Variants in CARMIL1 observed in about 807,000 individuals in gnomAD.
CARMIL1 encodes capping protein regulator and myosin 1 linker 1, also known as F-actin-uncapping protein LRRC16A.
In CARMIL1, 90 loss-of-function variants were observed where a neutral mutation model predicts 177.1. The observed-to-expected ratio is 0.51, with a 90% CI of 0.43 to 0.61. CARMIL1 has a LOEUF of 0.61. Ranked by LOEUF, CARMIL1 falls within the 20% of genes least tolerant of loss-of-function variation. The pLI, the probability that CARMIL1 is intolerant of heterozygous loss-of-function variation, is 0.00. For synonymous variants in CARMIL1, 577 were observed against 606.2 expected (o/e 0.95, Z 0.71); for missense variants, 1,380 against 1,667.0 (o/e 0.83, Z 3.00).
chr6:25,332,726 A>T (rs996735620), intron 2 of CARMIL1, among the ~76,000 whole-genome samples: 1 of 120,514 alleles, frequency 8.3e-6, no homozygotes, highest in Admixed American at 8.7e-5. Flanking sequence ...AGCACCACCC[A>T]CCATGCAAAC....
In CARMIL1 at chr6:25,606,244, C is replaced by T. The variant is rs755139805; in HGVS notation, c.3818C>T (p.Pro1273Leu). 79 of 1,613,656 alleles carry T rather than the reference C, an allele frequency of 4.9e-5. No homozygotes were observed. The highest frequency in any genetic ancestry group is 1.0e-4 in the Admixed American group (6 of 59,968). ...AGTCTGGCAGCACGGCCCGTCATCCCGCAGAAACCAAGAACCGCCTCACGG... is the reference window on the plus strand; with the variant it reads ...AGTCTGGCAGCACGGCCCGTCATCCTGCAGAAACCAAGAACCGCCTCACGG... ...KPSLAARPVI[P>L]QKPRTASRPD... Residue 1273 changes from proline to leucine, a missense_variant, in exon 35 of 37, where the codon CCG becomes CTG. By Grantham distance (98) the Pro-to-Leu change is moderately conservative. Transcript: ENST00000329474.
chr6:25,500,073 C>T (rs2151019291), intron 16 of CARMIL1, 93 bp from the exon 17 acceptor site: 1 of 1,110,000 alleles, frequency 9.0e-7, no homozygotes, highest in Non-Finnish European at 1.3e-6. Context: ...AAAAGGCAGC[C>T]TTCTTTCTCT....
At chr6:25,542,419 T>C (rs1197167136) in intron 26 of CARMIL1, among the ~76,000 whole-genome samples, 1 of 152,210 alleles carries the variant, frequency 6.6e-6, no homozygotes, top group African/African-American at 2.4e-5. Flanking sequence ...CTTTTGACCT[T>C]GATTTCTCTG....
chr6:25,305,412 TGGGTTTCAAAAGGTAA>T (rs1259375352), intron 2 of CARMIL1, among the ~76,000 whole-genome samples: 45 of 152,336 alleles, frequency 3.0e-4, no homozygotes, highest in African/African-American at 9.9e-4. Flanking sequence ...CTCCTTTCTT[TGGGTTTCAAAAGGTAA>T]GACAATCCAC....
chr6:25,451,053 T>A (rs2150856935), intron 8 of CARMIL1, among the ~76,000 whole-genome samples: 1 of 126,908 alleles, frequency 7.9e-6, no homozygotes, highest in Non-Finnish European at 1.6e-5. Flanking sequence ...TGTTGGCACT[T>A]AGGGCTGTAC....
chr6:25,336,702 T>G (rs1478337805), intron 2 of CARMIL1, among the ~76,000 whole-genome samples: 1 of 152,184 alleles, frequency 6.6e-6, no homozygotes, highest in Middle Eastern at 3.2e-3. Flanking sequence ...TCAGGCCCCT[T>G]TTATAGTACA....
chr6:25,493,495 T>G (rs1165472277), intron 15 of CARMIL1, among the ~76,000 whole-genome samples: 1 of 152,172 alleles, frequency 6.6e-6, no homozygotes, highest in East Asian at 1.9e-4. Flanking sequence ...TCAGCAACAG[T>G]GATTTTGTGA....
chr6:25,451,826 T>TCAG (rs1798953018), intron 8 of CARMIL1, among the ~76,000 whole-genome samples: 1 of 151,798 alleles, frequency 6.6e-6, no homozygotes, highest in Admixed American at 6.6e-5. Context: ...TAGGCAGGGG[T>TCAG]CAGCCCTACT....
Position 25,472,512 on chromosome 6 carries a change from GA to G in CARMIL1, c.866del (p.Glu289GlyfsTer8). 1 of 1,572,736 alleles carries G rather than the reference GA, an allele frequency of 6.4e-7. No individual in the cohort carries two copies. Among genetic ancestry groups the G allele is most frequent in the African/African-American group, 1.3e-5 (1 of 74,134 alleles). On this transcript the variant is annotated frameshift_variant, in exon 11 of 37. Coordinates refer to ENST00000329474, the MANE Select transcript of CARMIL1 (RefSeq NM_017640.6). LOFTEE classifies it high-confidence loss of function. ...HTINLAGNPL[E>X]DRGVSSLSIQ... ...AATTAACCTTGCTGGCAACCCACTG[GA>G]GGATAGAGGTACTGCAGAGTTCTCA...
chr6:25,292,069 A>G (rs1034011581), intron 2 of CARMIL1, among the ~76,000 whole-genome samples: 1 of 152,232 alleles, frequency 6.6e-6, no homozygotes, highest in African/African-American at 2.4e-5. Flanking sequence ...TAAAATAGAC[A>G]TAAGACAAAT....
At chr6:25,567,821 G>C (rs951254624) in intron 29 of CARMIL1, among the ~76,000 whole-genome samples, 1 of 152,182 alleles carries the variant, frequency 6.6e-6, no homozygotes, top group African/African-American at 2.4e-5. Flanking sequence ...TAATTGTACT[G>C]TTATAGTTTA....
At chr6:25,294,598 T>C (rs1282151533) in intron 2 of CARMIL1, among the ~76,000 whole-genome samples, 1 of 152,226 alleles carries the variant, frequency 6.6e-6, no homozygotes, top group Non-Finnish European at 1.5e-5. Flanking sequence ...TCTTCTTGCA[T>C]AGTCTACTGG....
intron 29 of CARMIL1, among the ~76,000 whole-genome samples, chr6:25,572,276 G>A (rs958682007): frequency 1.3e-5 from 2 of 152,144 alleles, no homozygotes; most frequent in Admixed American, 6.5e-5. Context: ...TCTAAGTGAA[G>A]AGTATATTTG....
chr6:25,510,403 A>T (rs1805352436), intron 18 of CARMIL1, 104 bp from the exon 19 acceptor site: 1 of 656,396 alleles, frequency 1.5e-6, no homozygotes, highest in Non-Finnish European at 2.6e-6. Context: ...AGGAAGGTAA[A>T]GGAAGTCATC....
At position 25,441,300 on chromosome 6, in the gene CARMIL1, AAAAC is replaced by A. The variant is rs574600512; in HGVS notation, c.371+5714_371+5717del. Among the ~76,000 whole-genome samples the A allele has an allele frequency of 3.2e-3, 446 of 137,780 alleles. 4 individuals carry two copies. Among genetic ancestry groups the A allele is most frequent in the African/African-American group, 0.011 (376 of 34,734 alleles). The allele number at this position is 137,780 out of a possible 152,430, so 90.4% of individuals were successfully genotyped here. On this transcript the variant is annotated intron_variant, in intron 5 of 36. Coordinates refer to ENST00000329474, the MANE Select transcript of CARMIL1 (RefSeq NM_017640.6). Reference sequence around the variant, plus strand: ...GGGTGACAGAGTAAGACCACATCTCAAAACAAACAAACAAACAAACATATATATA... The same window carrying A: ...GGGTGACAGAGTAAGACCACATCTCAAAACAAACAAACAAACATATATATA...
chr6:25,613,557 G>A (rs533806177), intron 36 of CARMIL1, among the ~76,000 whole-genome samples: 2 of 152,294 alleles, frequency 1.3e-5, no homozygotes, highest in South Asian at 4.1e-4. Flanking sequence ...GAGACAAAAA[G>A]AAGACAGATT....
At chr6:25,561,135 G>A (rs974093436) in intron 29 of CARMIL1, among the ~76,000 whole-genome samples, 2 of 152,114 alleles carry the variant, frequency 1.3e-5, no homozygotes, top group Admixed American at 1.3e-4. Context: ...CTGCAGTTGG[G>A]TGCTCTTAGG....
intron 2 of CARMIL1, among the ~76,000 whole-genome samples, chr6:25,401,874 A>G (rs1225342659): frequency 6.6e-6 from 1 of 152,204 alleles, no homozygotes; most frequent in African/African-American, 2.4e-5. Flanking sequence ...GACATGTGGA[A>G]GGTCTGAGAC....
chr6:25,465,781 A>G lies in CARMIL1; in HGVS notation c.615-92A>G, dbSNP rs187032477. The G allele has an allele frequency of 1.1e-3, 875 of 772,894 alleles. 13 individuals are homozygous for G. The highest frequency in any genetic ancestry group is 0.01 in the Admixed American group (521 of 49,698). 47.9% of individuals were successfully genotyped at this position (772,894 alleles called of 1,614,324 possible). ...TTGTGTTTCTGAATAATAGAAATTA[A>G]CAGGTGAACTTGGATGTCATGGATT... On this transcript the variant is annotated intron_variant, in intron 8 of 36. Coordinates refer to ENST00000329474, the MANE Select transcript of CARMIL1 (RefSeq NM_017640.6).
Sources: allele counts gnomAD v4.1 joint callset (sites outside exome capture counted in the v4.1 genomes callset), GRCh38; gene constraint gnomAD v4.1.1; transcripts MANE v1.5; gene names NCBI Gene and HGNC (gene_info 2026-07-23, HGNC 2026-07-21).